The following NR2F1-AS1 variants were observed in gnomAD, a reference collection of about 807,000 sequenced individuals.
NR2F1-AS1 encodes NR2F1 regulatory antisense RNA 1.
intron 1 of NR2F1-AS1, among the ~76,000 whole-genome samples, chr5:93,564,127 A>C (rs1752561173): frequency 8.0e-5 from 9 of 112,622 alleles, no homozygotes; most frequent in East Asian, 3.0e-4. Flanking sequence ...AAAAAAAAAA[A>C]AAAAAAAAAA....
intron 4 of NR2F1-AS1, among the ~76,000 whole-genome samples, chr5:93,500,987 C>G (rs1220298395): frequency 6.6e-6 from 1 of 152,148 alleles, no homozygotes; most frequent in African/African-American, 2.4e-5. Flanking sequence ...TCTGATGGAT[C>G]TGGGCAAAGT....
At chr5:93,520,895 A>G (rs1054960965) in intron 4 of NR2F1-AS1, among the ~76,000 whole-genome samples, 3 of 152,210 alleles carry the variant, frequency 2.0e-5, no homozygotes, top group Non-Finnish European at 2.9e-5. Context: ...TGAAGCACTT[A>G]GAAACATCAC....
intron 4 of NR2F1-AS1, among the ~76,000 whole-genome samples, chr5:93,499,123 G>A (rs1311321020): frequency 3.3e-5 from 5 of 152,182 alleles, no homozygotes; most frequent in African/African-American, 1.2e-4. Context: ...TGAAAGAAAG[G>A]GAAAAGATTT....
At chr5:93,455,769 A>AT (rs1456374552) in intron 4 of NR2F1-AS1, among the ~76,000 whole-genome samples, 4 of 151,844 alleles carry the variant, frequency 2.6e-5, no homozygotes. Flanking sequence ...TAGAAAAAGC[A>AT]TTTTTTCTGG....
intron 4 of NR2F1-AS1, among the ~76,000 whole-genome samples, chr5:93,515,798 C>T (rs1327590091): frequency 6.6e-6 from 1 of 151,854 alleles, no homozygotes; most frequent in Admixed American, 6.6e-5. Context: ...TGCAGCTGTA[C>T]ATCCAAGAAA....
At chr5:93,582,771 A>AGTGTGT (rs10645176), upstream of NR2F1-AS1, among the ~76,000 whole-genome samples, 7 of 150,394 alleles carry the variant, frequency 4.7e-5, no homozygotes, top group African/African-American at 9.8e-5. Flanking sequence ...TGTGAGCGTA[A>AGTGTGT]GTGTGTGTGT....
At chr5:93,582,953 G>C (rs555523082), upstream of NR2F1-AS1, among the ~76,000 whole-genome samples, 13 of 152,206 alleles carry the variant, frequency 8.5e-5, no homozygotes, top group Admixed American at 3.3e-4. Flanking sequence ...CTAAGCGGGG[G>C]GGGGAGAAAG....
chr5:93,529,812 T>C (rs1751696462), intron 4 of NR2F1-AS1, among the ~76,000 whole-genome samples: 1 of 152,162 alleles, frequency 6.6e-6, no homozygotes, highest in Non-Finnish European at 1.5e-5. Flanking sequence ...TAGTCACAAC[T>C]TTTTACACTT....
At position 93,503,189 on chromosome 5, in the gene NR2F1-AS1, A is replaced by G. The variant is rs1364660688; in HGVS notation, n.638+50572T>C. Among the ~76,000 whole-genome samples the G allele has an allele frequency of 1.4e-4, 21 of 152,232 alleles. 1 individual carries two copies. The highest frequency in any genetic ancestry group is 1.5e-5 in the Non-Finnish European group (1 of 68,034). ...AAACTAACTTATGTATCAAGTTGCT[A>G]GCTTAAACATGGAGAACAATTATTT... On this transcript the variant is annotated intron_variant and non_coding_transcript_variant, in intron 4 of 5. Transcript: ENST00000660523.
chr5:93,537,457 TAAC>T (rs1751862663), intron 4 of NR2F1-AS1, among the ~76,000 whole-genome samples: 1 of 151,886 alleles, frequency 6.6e-6, no homozygotes, highest in Non-Finnish European at 1.5e-5. Flanking sequence ...ATAAGGAACT[TAAC>T]AACAACAAAA....
At chr5:93,550,390 C>T (rs1752196966) in intron 4 of NR2F1-AS1, among the ~76,000 whole-genome samples, 1 of 152,208 alleles carries the variant, frequency 6.6e-6, no homozygotes, top group African/African-American at 2.4e-5. Flanking sequence ...CATTAGAATG[C>T]TCCACATTTT....
At chr5:93,462,508 G>C (rs774338258) in intron 4 of NR2F1-AS1, among the ~76,000 whole-genome samples, 6 of 152,176 alleles carry the variant, frequency 3.9e-5, no homozygotes, top group Non-Finnish European at 5.9e-5. Flanking sequence ...CAGTAGAGTG[G>C]GGTGCTGCTG....
At chr5:93,515,891 C>T (rs555828390) in intron 4 of NR2F1-AS1, among the ~76,000 whole-genome samples, 2 of 151,830 alleles carry the variant, frequency 1.3e-5, no homozygotes, top group Middle Eastern at 3.4e-3. Flanking sequence ...CAGAGTACAT[C>T]CCTTATCAAT....
chr5:93,580,558 C>G (rs1446466262), exon 1 of NR2F1-AS1: 1 of 152,504 alleles, frequency 6.6e-6, no homozygotes, highest in East Asian at 1.9e-4. Context: ...GACTGGGCAT[C>G]CAGTGTGCCT....
intron 4 of NR2F1-AS1, among the ~76,000 whole-genome samples, chr5:93,501,554 A>AC (rs1751080499): frequency 1.4e-4 from 21 of 151,980 alleles, no homozygotes; most frequent in Admixed American, 1.2e-3. Flanking sequence ...GAGTTTCACT[A>AC]TGTTGTCCAG....
chr5:93,575,139 A>G (rs1222832566), intron 1 of NR2F1-AS1, among the ~76,000 whole-genome samples: 1 of 152,262 alleles, frequency 6.6e-6, no homozygotes, highest in Non-Finnish European at 1.5e-5. Flanking sequence ...TATTCCCTTG[A>G]TGGAATTTTA....
chr5:93,461,672 T>C (rs1458716639), intron 4 of NR2F1-AS1, among the ~76,000 whole-genome samples: 5 of 152,194 alleles, frequency 3.3e-5, no homozygotes, highest in African/African-American at 1.2e-4. Context: ...CAAAGGAACA[T>C]GGAAGCATTT....
At chr5:93,495,911 T>C (rs1395306225) in intron 4 of NR2F1-AS1, 1 of 152,142 alleles carries the variant, frequency 6.6e-6, no homozygotes, top group East Asian at 1.9e-4. Flanking sequence ...AAATGTTTTG[T>C]GGATACTACA....
chr5:93,465,866 C>A (rs1750217513), intron 4 of NR2F1-AS1, among the ~76,000 whole-genome samples: 1 of 138,776 alleles, frequency 7.2e-6, no homozygotes, highest in African/African-American at 2.7e-5. Context: ...TAGGTGGGAA[C>A]TGAACATTGA....
Sources: gnomAD v4.1 joint callset for allele counts (sites outside exome capture counted in the v4.1 genomes callset) on GRCh38, gnomAD v4.1.1 for gene constraint, MANE v1.5 for transcripts, NCBI Gene and HGNC (gene_info 2026-07-23, HGNC 2026-07-21) for gene names.